KANK1: variants seen among roughly 807,000 people sequenced by gnomAD.
The protein encoded by KANK1 is KN motif and ankyrin repeat domains 1.
In KANK1, 109 loss-of-function variants were observed where a neutral mutation model predicts 106.2. That is an observed-to-expected ratio of 1.03 (90% CI 0.88 to 1.20). The LOEUF (loss-of-function observed/expected upper bound fraction) is 1.20, where lower values mean the gene tolerates loss of function less well. Among genes scored for constraint, KANK1 ranks in the 50% most tolerant of loss-of-function variants. KANK1 has a pLI of 0.00. For missense variants in KANK1, 2,399 were observed against 1,710.7 expected (o/e 1.40, Z -7.10); for synonymous variants, 873 against 652.2 (o/e 1.34, Z -5.16).
rs751843923 is a variant in KANK1, at chr9:732,577, G to A, written c.3205G>A (p.Val1069Ile). Residue 1069 changes from valine (V) to isoleucine (I), a missense_variant, in exon 6 of 12, where the codon GTT becomes ATT. Val to Ile is a conservative substitution (Grantham distance 29). Transcript: ENST00000382297. ...KSARVEDEMQ[V>I]QECEPEKVEI... ...TGCCAGGGTGGAAGATGAAATGCAG[G>A]TTCAAGAATGTGAACCTGAGAAGGT... 16 of 1,614,068 alleles carry A rather than the reference G, an allele frequency of 9.9e-6. No individual in the cohort carries two copies. The highest frequency in any genetic ancestry group is 1.4e-5 in the Non-Finnish European group (16 of 1,180,040).
chr9:743,456 T>G (rs1287010506), intron 10 of KANK1, among the ~76,000 whole-genome samples: 1 of 152,214 alleles, frequency 6.6e-6, no homozygotes, highest in East Asian at 1.9e-4. Context: ...TGCTGTGGTT[T>G]TTGTTTGATT....
chr9:714,943 A>G (rs934575991), intron 3 of KANK1, among the ~76,000 whole-genome samples: 1 of 151,148 alleles, frequency 6.6e-6, no homozygotes, highest in Admixed American at 6.6e-5. Flanking sequence ...AAGAGTGTGC[A>G]TTAGATTAAT....
At chr9:743,902 A>T (rs922321065) in intron 10 of KANK1, among the ~76,000 whole-genome samples, 1 of 152,184 alleles carries the variant, frequency 6.6e-6, no homozygotes, top group East Asian at 1.9e-4. Flanking sequence ...CTTTCCCTTG[A>T]TACTCCTTTA....
chr9:664,010 C>G (rs935398869), intron 1 of KANK1, among the ~76,000 whole-genome samples: 1 of 151,964 alleles, frequency 6.6e-6, no homozygotes. Context: ...AATTGTAGTT[C>G]CCATAATCTC....
intron 1 of KANK1, among the ~76,000 whole-genome samples, chr9:517,937 A>G (rs776230850): frequency 5.3e-5 from 8 of 151,132 alleles, no homozygotes; most frequent in Non-Finnish European, 8.8e-5. Flanking sequence ...GGAGTTTCAC[A>G]TTATTGGCCG....
chr9:737,412 T>C (rs1834081314), intron 7 of KANK1, among the ~76,000 whole-genome samples: 2 of 152,186 alleles, frequency 1.3e-5, no homozygotes, highest in African/African-American at 2.4e-5. Context: ...TTTTAAACTT[T>C]TAAAGAGTAA....
At chr9:487,482 T>C (rs2058312377) in intron 3 of KANK1, among the ~76,000 whole-genome samples, 1 of 152,236 alleles carries the variant, frequency 6.6e-6, no homozygotes, top group South Asian at 2.1e-4. Flanking sequence ...GTTTTCCATT[T>C]ACAGTGGGTT....
chr9:728,823 A>G (rs920847580), intron 3 of KANK1, among the ~76,000 whole-genome samples: 36 of 152,200 alleles, frequency 2.4e-4, no homozygotes, highest in Non-Finnish European at 4.7e-4. Flanking sequence ...TTTTTCAACC[A>G]TTTGCCAATC....
chr9:708,616 G>C (rs891048257), intron 2 of KANK1, among the ~76,000 whole-genome samples: 1 of 152,136 alleles, frequency 6.6e-6, no homozygotes, highest in Non-Finnish European at 1.5e-5. Flanking sequence ...GGAAGAAAGC[G>C]GGCAGATGGA....
intron 1 of KANK1, among the ~76,000 whole-genome samples, chr9:621,520 C>G (rs928540687): frequency 6.6e-6 from 1 of 152,162 alleles, no homozygotes; most frequent in African/African-American, 2.4e-5. Flanking sequence ...GCCTTTGACC[C>G]CAGTAATTTT....
At chr9:635,079 T>G (rs1295583636) in intron 1 of KANK1, among the ~76,000 whole-genome samples, 1 of 152,018 alleles carries the variant, frequency 6.6e-6, no homozygotes, top group Non-Finnish European at 1.5e-5. Flanking sequence ...CAATCACAGG[T>G]AAAGGGAATG....
chr9:543,959 T>A (rs938256459), intron 1 of KANK1, among the ~76,000 whole-genome samples: 3 of 152,186 alleles, frequency 2.0e-5, no homozygotes, highest in African/African-American at 7.2e-5. Flanking sequence ...GCTATTTTCT[T>A]ACGCTATCTT....
rs754765982 is a variant in KANK1, at chr9:712,831, G to C, written c.2065G>C (p.Ala689Pro). The change falls in exon 3 of 12, where the codon GCC becomes CCC. Residue 689 changes from alanine to proline, a missense_variant. Ala to Pro is a conservative substitution (Grantham distance 27). Transcript: ENST00000382297. ...QVHQFTNTETATLIESCTNTC... is the reference protein window; with the variant it reads ...QVHQFTNTETPTLIESCTNTC... ...GCACCAGTTCACCAACACCGAGACG[G>C]CCACCCTCATAGAGTCCTGCACCAA... The C allele has an allele frequency of 6.8e-6, 11 of 1,613,850 alleles. No homozygotes were observed. The South Asian group carries it at 9.9e-5, about 15-fold the overall frequency.
At chr9:633,783 G>A (rs2136899634) in intron 1 of KANK1, among the ~76,000 whole-genome samples, 1 of 152,302 alleles carries the variant, frequency 6.6e-6, no homozygotes, top group Admixed American at 6.5e-5. Flanking sequence ...CTCCCAAGTA[G>A]CTGAGATTAC....
At position 730,101 on chromosome 9, in the gene KANK1, C is replaced by A; in HGVS notation, c.2749C>A (p.Pro917Thr). Residue 917 changes from proline (P) to threonine (T), a missense_variant, in exon 4 of 12, where the codon CCC (proline) becomes ACC (threonine). Physicochemically the swap from Pro to Thr is conservative, Grantham distance 38 (BLOSUM62 -1). Coordinates refer to ENST00000382297, the MANE Select transcript of KANK1 (RefSeq NM_015158.5). ...GTGTGGGGGCCTTCAGTCAGGAAGTCCCTTAAGCTCCCAGACATCCCAGCC... is the reference window on the plus strand; with the variant it reads ...GTGTGGGGGCCTTCAGTCAGGAAGTACCTTAAGCTCCCAGACATCCCAGCC... ...CKCGGLQSGS[P>T]LSSQTSQPEQ... is the part of the protein sequence containing the mutation. 1 of 1,614,186 alleles carries A rather than the reference C, an allele frequency of 6.2e-7. No homozygotes were observed.
intron 3 of KANK1, among the ~76,000 whole-genome samples, chr9:483,819 A>G (rs1237797812): frequency 6.6e-6 from 1 of 152,182 alleles, no homozygotes; most frequent in African/African-American, 2.4e-5. Flanking sequence ...TCAGAGATGT[A>G]AATGCAAAGG....
chr9:503,836 G>T (rs1359374366), upstream of KANK1, among the ~76,000 whole-genome samples: 1 of 152,138 alleles, frequency 6.6e-6, no homozygotes, highest in Non-Finnish European at 1.5e-5. Context: ...GCTCCAAATC[G>T]AGTATTTGGG....
At chr9:496,705 C>T (rs1367788209) in intron 3 of KANK1, among the ~76,000 whole-genome samples, 6 of 152,166 alleles carry the variant, frequency 3.9e-5, no homozygotes, top group African/African-American at 7.2e-5. Flanking sequence ...TATCATCTCC[C>T]TTTAAAGGAC....
chr9:522,064 A>G (rs1228196112), intron 1 of KANK1, among the ~76,000 whole-genome samples: 1 of 151,596 alleles, frequency 6.6e-6, no homozygotes, highest in East Asian at 1.9e-4. Flanking sequence ...ATTTCTTGGG[A>G]AAATGTTTGA....
Sources: gnomAD v4.1 joint callset for allele counts (sites outside exome capture counted in the v4.1 genomes callset) on GRCh38, gnomAD v4.1.1 for gene constraint, MANE v1.5 for transcripts, NCBI Gene and HGNC (gene_info 2026-07-23, HGNC 2026-07-21) for gene names.